HIVEP1: variants seen among roughly 807,000 people sequenced by gnomAD.
The protein encoded by HIVEP1 is zinc finger protein 40.
HIVEP1 carries 36 observed loss-of-function variants against 180.0 expected under a neutral mutation model. The observed-to-expected ratio is 0.20, with a 90% confidence interval of 0.15 to 0.26. The LOEUF (loss-of-function observed/expected upper bound fraction) is 0.26, where lower values mean the gene tolerates loss of function less well. Among genes scored for constraint, HIVEP1 ranks in the 10% least tolerant of loss-of-function variants. The pLI is 1.00. For missense variants in HIVEP1, 3,143 were observed against 3,268.7 expected (o/e 0.96, Z 0.94); for synonymous variants, 1,239 against 1,239.0 (o/e 1.00, Z 0.00).
the HIVEP1 span, among the ~76,000 whole-genome samples, chr6:12,201,791 C>A: frequency 6.6e-5 from 10 of 152,108 alleles, no homozygotes; most frequent in African/African-American, 2.4e-4. Flanking sequence ...TATGTATATC[C>A]AATATTAAAA....
At chr6:12,181,472 A>G in the HIVEP1 span, among the ~76,000 whole-genome samples, 1 of 152,146 alleles carries the variant, frequency 6.6e-6, no homozygotes, top group East Asian at 1.9e-4. Context: ...GTGCAGTGAC[A>G]CAATCATAGC....
intron 1 of HIVEP1, among the ~76,000 whole-genome samples, chr6:12,013,049 C>G (rs1428945928): frequency 1.3e-5 from 2 of 151,640 alleles, no homozygotes; most frequent in Non-Finnish European, 2.9e-5. Context: ...GCCTTGGGGT[C>G]GGGCTCGGGA....
chr6:12,040,224 G>T (rs1396923136), intron 2 of HIVEP1, among the ~76,000 whole-genome samples: 2 of 152,170 alleles, frequency 1.3e-5, no homozygotes, highest in Non-Finnish European at 2.9e-5. Context: ...CTGTAATAAA[G>T]AGATTTAACT....
chr6:12,019,294 T>TTCCGCGC (rs1581503712), intron 2 of HIVEP1, among the ~76,000 whole-genome samples: 1 of 152,262 alleles, frequency 6.6e-6, no homozygotes, highest in East Asian at 1.9e-4. Flanking sequence ...ACCTAGAAAC[T>TTCCGCGC]TCCGCGCTCC....
chr6:12,125,268 A>T lies in HIVEP1; in HGVS notation c.5473A>T (p.Asn1825Tyr). Residue 1825 changes from asparagine (N) to tyrosine (Y), a missense_variant, in exon 4 of 9, where the codon AAT (asparagine) becomes TAT (tyrosine). Asn to Tyr is a moderately radical substitution (Grantham distance 143). Around this residue, in one of 12 missense-constraint regions of HIVEP1, gnomAD observed 1,357 missense variants for 1,260.5 expected, o/e 1.08. Coordinates refer to ENST00000379388, the MANE Select transcript of HIVEP1 (RefSeq NM_002114.4). ...KDVFSQPEIS[N>Y]EAVNLTNVLP... ...TGTTTTTTCTCAACCTGAAATTAGT[A>T]ATGAGGCTGTTAATTTGACAAATGT... The T allele has an allele frequency of 6.2e-7, 1 of 1,614,130 alleles. No homozygotes were observed. The highest frequency in any genetic ancestry group is 8.5e-7 in the Non-Finnish European group (1 of 1,179,998).
chr6:12,205,344 G>A, the HIVEP1 span, among the ~76,000 whole-genome samples: 10 of 152,106 alleles, frequency 6.6e-5, no homozygotes, highest in Non-Finnish European at 7.4e-5. Flanking sequence ...GGTGGCAGGC[G>A]CCTGTAGTCC....
chr6:12,019,708 A>G (rs772380217), intron 2 of HIVEP1, among the ~76,000 whole-genome samples: 6 of 152,176 alleles, frequency 3.9e-5, no homozygotes, highest in Non-Finnish European at 5.9e-5. Context: ...CTCAAATTAT[A>G]TTTTTCTTAT....
At chr6:12,027,517 T>C (rs897163706) in intron 2 of HIVEP1, among the ~76,000 whole-genome samples, 1 of 152,254 alleles carries the variant, frequency 6.6e-6, no homozygotes, top group Non-Finnish European at 1.5e-5. Context: ...TAGCGTACTC[T>C]CCTTTTTTAA....
chr6:12,161,475 A>G lies in HIVEP1; in HGVS notation c.6524A>G (p.Tyr2175Cys), dbSNP rs1760392529. The G allele has an allele frequency of 6.2e-7, 1 of 1,613,628 alleles. No homozygotes were observed. The highest frequency in any genetic ancestry group is 8.5e-7 in the Non-Finnish European group (1 of 1,179,592). Residue 2175 changes from tyrosine (Y) to cysteine (C), a missense_variant, in exon 8 of 9, where the codon TAT becomes TGT. Transcript: ENST00000379388. Reference sequence around the variant, plus strand: ...AGATTCAGTTATGAGCGATCTGGATATGATCTTGAAGAATCTGATGGCCCA... The same window carrying G: ...AGATTCAGTTATGAGCGATCTGGATGTGATCTTGAAGAATCTGATGGCCCA... ...KQRFSYERSG[Y>C]DLEESDGPDE...
At chr6:12,082,159 C>T (rs1271935711) in intron 2 of HIVEP1, among the ~76,000 whole-genome samples, 3 of 152,024 alleles carry the variant, frequency 2.0e-5, no homozygotes, top group Admixed American at 1.3e-4. Context: ...GAGTAATTAA[C>T]CCAACAGAAC....
chr6:12,116,411 T>C (rs1228919396), intron 3 of HIVEP1, among the ~76,000 whole-genome samples: 1 of 151,980 alleles, frequency 6.6e-6, no homozygotes, highest in South Asian at 2.1e-4. Flanking sequence ...GAGTGAAAAA[T>C]GTATGGAGAG....
intron 2 of HIVEP1, among the ~76,000 whole-genome samples, chr6:12,049,313 G>A (rs557297508): frequency 8.9e-4 from 135 of 152,296 alleles, no homozygotes; most frequent in Non-Finnish European, 1.7e-3. Flanking sequence ...CCTCTGCAGG[G>A]TTCTGACCCT....
intron 2 of HIVEP1, among the ~76,000 whole-genome samples, chr6:12,017,604 C>T (rs763824838): frequency 9.8e-5 from 15 of 152,300 alleles, no homozygotes; most frequent in Middle Eastern, 6.8e-3. Context: ...CTGATTGGTC[C>T]GTTTTACAGA....
At chr6:12,095,326 G>C (rs931527768) in intron 3 of HIVEP1, among the ~76,000 whole-genome samples, 1 of 151,744 alleles carries the variant, frequency 6.6e-6, no homozygotes. Context: ...AACTTGGAAT[G>C]CTCATTCATT....
At chr6:12,210,686 A>G in the HIVEP1 span, among the ~76,000 whole-genome samples, 1 of 152,188 alleles carries the variant, frequency 6.6e-6, no homozygotes, top group East Asian at 1.9e-4. Context: ...AAGGGGGGAA[A>G]TGATACACCT....
intron 2 of HIVEP1, among the ~76,000 whole-genome samples, chr6:12,046,769 C>T (rs1422321553): frequency 6.8e-6 from 1 of 146,794 alleles, no homozygotes; most frequent in Admixed American, 6.8e-5. Context: ...CAGAGCGAGA[C>T]TCTGTCTCAA....
At chr6:12,197,576 G>GT in the HIVEP1 span, among the ~76,000 whole-genome samples, 1 of 146,242 alleles carries the variant, frequency 6.8e-6, no homozygotes, top group Admixed American at 6.9e-5. Flanking sequence ...AAAAAGTAAA[G>GT]AAAAGAAAAA....
intron 2 of HIVEP1, among the ~76,000 whole-genome samples, chr6:12,076,587 C>T (rs774103517): frequency 2.4e-4 from 36 of 152,120 alleles, no homozygotes; most frequent in Non-Finnish European, 3.7e-4. Context: ...AAGGACAAAC[C>T]CTGTGTCCTC....
the HIVEP1 span, among the ~76,000 whole-genome samples, chr6:12,189,599 A>T: frequency 2.6e-5 from 4 of 152,110 alleles, no homozygotes; most frequent in Non-Finnish European, 5.9e-5. Context: ...ACGAACGATT[A>T]ACAACAACAA....
Sources: allele counts gnomAD v4.1 joint callset (sites outside exome capture counted in the v4.1 genomes callset), GRCh38; gene constraint gnomAD v4.1.1; regional missense constraint gnomAD v4.1.1; transcripts MANE v1.5; gene names NCBI Gene and HGNC (gene_info 2026-07-23, HGNC 2026-07-21).